Variants in NCKAP5 observed in about 807,000 individuals in gnomAD.
The protein encoded by NCKAP5 is NCK associated protein 5, also known as nck-associated protein 5.
NCKAP5 carries 92 observed loss-of-function variants against 167.0 expected under a neutral mutation model. That is an observed-to-expected ratio of 0.55 (90% CI 0.47 to 0.66). The LOEUF is 0.66. Among genes scored for constraint, NCKAP5 ranks in the 30% least tolerant of loss-of-function variants. NCKAP5 has a pLI of 0.00. For missense variants in NCKAP5, 2,378 were observed against 2,315.0 expected, an observed-to-expected ratio of 1.03 and a Z score of -0.56; for synonymous variants, 891 against 877.4, an observed-to-expected ratio of 1.02 and a Z score of -0.27.
chr2:132,936,142 C>T (rs533688924), intron 8 of NCKAP5, among the ~76,000 whole-genome samples: 3 of 151,944 alleles, frequency 2.0e-5, no homozygotes, highest in South Asian at 2.1e-4. Flanking sequence ...CCACCATGCC[C>T]GGCTAATTTT....
chr2:133,308,823 G>A (rs1484760954), intron 3 of NCKAP5, among the ~76,000 whole-genome samples: 3 of 143,262 alleles, frequency 2.1e-5, no homozygotes. Flanking sequence ...CCATTCTCCT[G>A]CCTCAGCCTC....
chr2:133,245,820 A>G (rs2087951132), intron 4 of NCKAP5, among the ~76,000 whole-genome samples: 1 of 151,834 alleles, frequency 6.6e-6, no homozygotes, highest in Non-Finnish European at 1.5e-5. Flanking sequence ...AAACATTTAT[A>G]AGTATTGAAA....
rs138415067 is a variant in NCKAP5 at position 133,103,928 on chromosome 2, C to G, written c.341+26050G>C. 8.4e-4 allele frequency among the ~76,000 whole-genome samples: 128 copies of G among 152,118 alleles called. 1 individual carries two copies. The highest frequency in any genetic ancestry group is 9.6e-4 in the Non-Finnish European group (65 of 68,008). On this transcript the variant is annotated intron_variant, in intron 6 of 19. Transcript: ENST00000409261. ...CTAAAAAGGCAAATGAGAAATAACT[C>G]TATCTTCTTAGGTAATCATGGTACC...
intron 6 of NCKAP5, among the ~76,000 whole-genome samples, chr2:133,115,633 A>G (rs1396089561): frequency 2.0e-5 from 3 of 151,696 alleles, no homozygotes; most frequent in African/African-American, 7.2e-5. Context: ...CTCTCTTTCT[A>G]TTTAAAGTTA....
At chr2:133,396,265 C>T (rs1041381318) in intron 3 of NCKAP5, among the ~76,000 whole-genome samples, 9 of 152,076 alleles carry the variant, frequency 5.9e-5, no homozygotes, top group Non-Finnish European at 1.2e-4. Context: ...AAGCATAAAT[C>T]TCAATGAACA....
chr2:133,674,722 T>C, the NCKAP5 span, among the ~76,000 whole-genome samples: 1 of 152,160 alleles, frequency 6.6e-6, no homozygotes, highest in East Asian at 1.9e-4. Flanking sequence ...TTTAGCCCAC[T>C]CATTGCTTTC....
At chr2:132,870,322 G>C (rs1333361838) in intron 9 of NCKAP5, among the ~76,000 whole-genome samples, 3 of 152,134 alleles carry the variant, frequency 2.0e-5, no homozygotes, top group African/African-American at 7.2e-5. Context: ...ATAAAATTAA[G>C]GTGGACAGGT....
intron 3 of NCKAP5, among the ~76,000 whole-genome samples, chr2:133,350,518 A>G (rs1684289246): frequency 6.6e-6 from 1 of 152,182 alleles, no homozygotes; most frequent in African/African-American, 2.4e-5. Context: ...CTCTTAGAAT[A>G]AGGACCAAAA....
intron 3 of NCKAP5, among the ~76,000 whole-genome samples, chr2:133,356,904 C>T (rs970076833): frequency 3.9e-5 from 6 of 152,214 alleles, no homozygotes; most frequent in Non-Finnish European, 7.3e-5. Context: ...TCCTTTACAA[C>T]ATTCCTTCTC....
intron 19 of NCKAP5, among the ~76,000 whole-genome samples, chr2:132,696,474 C>T (rs906023573): frequency 6.6e-6 from 1 of 152,202 alleles, no homozygotes; most frequent in Non-Finnish European, 1.5e-5. Flanking sequence ...AGCTGCATCT[C>T]CTGTAAAGTC....
intron 11 of NCKAP5, among the ~76,000 whole-genome samples, chr2:132,816,557 A>G (rs1686290159): frequency 6.6e-6 from 1 of 152,128 alleles, no homozygotes; most frequent in South Asian, 2.1e-4. Flanking sequence ...GAGGCGGAAC[A>G]CTGGCTCCCT....
intron 2 of NCKAP5, among the ~76,000 whole-genome samples, chr2:133,522,996 T>G (rs1384714563): frequency 1.3e-5 from 2 of 152,274 alleles, no homozygotes; most frequent in Non-Finnish European, 2.9e-5. Flanking sequence ...TTTTATTGAC[T>G]GATAGTTATT....
At chr2:133,266,872 G>A (rs994190299) in intron 4 of NCKAP5, among the ~76,000 whole-genome samples, 2 of 152,096 alleles carry the variant, frequency 1.3e-5, no homozygotes, top group African/African-American at 2.4e-5. Flanking sequence ...GCCTGGGAGC[G>A]CCCGGCGGGC....
At chr2:133,009,733 C>A (rs759802951) in intron 6 of NCKAP5, among the ~76,000 whole-genome samples, 4 of 152,054 alleles carry the variant, frequency 2.6e-5, no homozygotes, top group African/African-American at 7.2e-5. Flanking sequence ...GTATTAAGAG[C>A]CAGAAGAGGA....
chr2:133,465,431 C>T (rs888782403), intron 3 of NCKAP5, among the ~76,000 whole-genome samples: 25 of 151,704 alleles, frequency 1.6e-4, no homozygotes, highest in African/African-American at 5.3e-4. Context: ...GGGTTGGTTC[C>T]AAGTCTTTGC....
intron 16 of NCKAP5, among the ~76,000 whole-genome samples, chr2:132,748,635 C>T (rs553612846): frequency 1.3e-5 from 2 of 152,282 alleles, no homozygotes; most frequent in African/African-American, 2.4e-5. Context: ...AACAACTATA[C>T]CCGTACCCTA....
chr2:132,920,777 A>ATGTATGTGTGTG (rs1254977486), intron 8 of NCKAP5, among the ~76,000 whole-genome samples: 3 of 13,862 alleles, frequency 2.2e-4, no homozygotes, highest in Admixed American at 8.3e-4. Context: ...GTATGTATAT[A>ATGTATGTGTGTG]TATATATATA....
intron 3 of NCKAP5, among the ~76,000 whole-genome samples, chr2:133,342,493 T>C (rs977464724): frequency 5.9e-5 from 9 of 152,090 alleles, no homozygotes; most frequent in African/African-American, 1.7e-4. Context: ...CCATCCAGAG[T>C]AGGCTGTGTG....
intron 3 of NCKAP5, among the ~76,000 whole-genome samples, chr2:133,455,853 G>A (rs1314253041): frequency 6.6e-6 from 1 of 152,078 alleles, no homozygotes; most frequent in Admixed American, 6.6e-5. Context: ...CAAGCATTAA[G>A]TCTTATATCA....
Sources: allele counts gnomAD v4.1 joint callset (sites outside exome capture counted in the v4.1 genomes callset), GRCh38; gene constraint gnomAD v4.1.1; transcripts MANE v1.5; gene names NCBI Gene and HGNC (gene_info 2026-07-23, HGNC 2026-07-21).